Variants in TTLL11 observed in about 807,000 individuals in gnomAD.
The protein encoded by TTLL11 is tubulin tyrosine ligase like 11.
Under a neutral mutation model 51.7 loss-of-function variants are expected in TTLL11, and 42 were observed. That is an observed-to-expected ratio of 0.81 (90% CI 0.64 to 1.05). The LOEUF is 1.05. Ranked by LOEUF, TTLL11 falls within the 50% of genes least tolerant of loss-of-function variation. The pLI, the probability that TTLL11 is intolerant of heterozygous loss-of-function variation, is 0.00. For synonymous variants in TTLL11, 381 were observed against 383.5 expected, an observed-to-expected ratio of 0.99 and a Z score of 0.08; for missense variants, 799 against 940.4, an observed-to-expected ratio of 0.85 and a Z score of 1.97.
intron 6 of TTLL11, among the ~76,000 whole-genome samples, chr9:121,969,340 T>C (rs758601753): frequency 4.3e-4 from 65 of 152,008 alleles, no homozygotes; most frequent in Non-Finnish European, 7.2e-4. Flanking sequence ...CCAAGGTGGG[T>C]GTCAGCAGAG....
Position 121,967,205 on chromosome 9 carries a change from G to A in TTLL11, c.1481+6804C>T, listed in dbSNP as rs144096548. On this transcript the variant is annotated intron_variant, in intron 6 of 8. Transcript: ENST00000321582. Reference sequence around the variant, plus strand: ...GCTCCTCTGTCAGTGATGCTTCAGCGGGAGATTTTTTTTTTTTTTTTTTTT... The same window carrying A: ...GCTCCTCTGTCAGTGATGCTTCAGCAGGAGATTTTTTTTTTTTTTTTTTTT... Among the ~76,000 whole-genome samples, 989 of 142,036 alleles carry A rather than the reference G, an allele frequency of 7.0e-3. 12 individuals carry two copies. The highest frequency in any genetic ancestry group is 0.022 in the African/African-American group (850 of 39,230). 93.2% of individuals were successfully genotyped at this position (142,036 alleles called of 152,430 possible).
At chr9:122,037,953 G>A (rs1232842965) in intron 2 of TTLL11, among the ~76,000 whole-genome samples, 7 of 152,096 alleles carry the variant, frequency 4.6e-5, no homozygotes, top group Admixed American at 3.3e-4. Flanking sequence ...TCTGCAATGC[G>A]TTTTCTTAAA....
intron 1 of TTLL11, among the ~76,000 whole-genome samples, chr9:122,089,797 A>T (rs1377836440): frequency 6.6e-6 from 1 of 151,688 alleles, no homozygotes; most frequent in African/African-American, 2.4e-5. Flanking sequence ...AATTTTCAAT[A>T]TTTTTTTTAG....
intron 1 of TTLL11, among the ~76,000 whole-genome samples, chr9:122,073,305 G>A (rs1200884363): frequency 1.3e-5 from 2 of 152,164 alleles, no homozygotes; most frequent in Non-Finnish European, 2.9e-5. Flanking sequence ...AGTTACTCGG[G>A]AGGCTGAGGC....
At chr9:121,829,233 C>T (rs549141502) in intron 8 of TTLL11, among the ~76,000 whole-genome samples, 48 of 152,104 alleles carry the variant, frequency 3.2e-4, no homozygotes, top group African/African-American at 1.0e-3. Flanking sequence ...GGATTACAAG[C>T]GTGAGCCACC....
intron 1 of TTLL11, among the ~76,000 whole-genome samples, chr9:122,044,589 T>C (rs1189879316): frequency 6.6e-6 from 1 of 152,208 alleles, no homozygotes; most frequent in Non-Finnish European, 1.5e-5. Context: ...TGGTTTTGAT[T>C]TGCATTTCTC....
At position 121,939,166 on chromosome 9, in the gene TTLL11, C is replaced by T. The variant is rs1443889778; in HGVS notation, c.1481+34843G>A. Among the ~76,000 whole-genome samples the T allele has an allele frequency of 3.3e-5, 5 of 152,188 alleles. No homozygotes were observed. In the East Asian group the frequency reaches 9.7e-4, roughly 29 times the overall value. On this transcript the variant is annotated intron_variant, in intron 6 of 8. Coordinates refer to ENST00000321582, the MANE Select transcript of TTLL11 (RefSeq NM_001139442.2). ...GTAACAGTAACCTAATGAAGAGGGA[C>T]TGCTGTATAATATTTCCTTTAATAA...
At chr9:122,022,948 G>C (rs1844221467) in intron 3 of TTLL11, among the ~76,000 whole-genome samples, 1 of 151,836 alleles carries the variant, frequency 6.6e-6, no homozygotes, top group Non-Finnish European at 1.5e-5. Context: ...CTTAAAGGTA[G>C]ATTGTGATAA....
At chr9:122,080,217 C>T (rs1432401026) in intron 1 of TTLL11, among the ~76,000 whole-genome samples, 2 of 152,108 alleles carry the variant, frequency 1.3e-5, no homozygotes, top group Admixed American at 1.3e-4. Flanking sequence ...ACTCTCTTCT[C>T]CAGTATTTGT....
rs936757787 is a variant in TTLL11, at chr9:121,952,693, G to A, written c.1481+21316C>T. 2.7e-4 allele frequency among the ~76,000 whole-genome samples: 41 copies of A among 152,160 alleles called. 1 individual carries two copies. Among genetic ancestry groups the A allele is most frequent in the Admixed American group, 1.4e-3 (21 of 15,274 alleles). On this transcript the variant is annotated intron_variant, in intron 6 of 8. Transcript: ENST00000321582. Reference sequence around the variant, plus strand: ...TTTGATTGGTGAATTTGGAGACACTGGCAAACGTGCTCAGCCCCTTCCTCT... The same window carrying A: ...TTTGATTGGTGAATTTGGAGACACTAGCAAACGTGCTCAGCCCCTTCCTCT...
At chr9:121,941,331 T>C (rs1240285917) in intron 6 of TTLL11, among the ~76,000 whole-genome samples, 1 of 152,238 alleles carries the variant, frequency 6.6e-6, no homozygotes, top group Non-Finnish European at 1.5e-5. Context: ...GGCTTTCCAC[T>C]GGTGGACTCA....
chr9:121,877,104 G>T (rs569344574), intron 6 of TTLL11, among the ~76,000 whole-genome samples: 8 of 152,228 alleles, frequency 5.3e-5, no homozygotes, highest in Non-Finnish European at 1.2e-4. Flanking sequence ...TGGCAGTGGT[G>T]CCGCATGGCA....
intron 8 of TTLL11, among the ~76,000 whole-genome samples, chr9:121,837,868 C>A (rs1837223820): frequency 6.6e-6 from 1 of 152,226 alleles, no homozygotes; most frequent in Admixed American, 6.5e-5. Flanking sequence ...CTCCCCACAG[C>A]ATGTGACCAC....
At chr9:122,034,076 A>G (rs1057185591) in intron 2 of TTLL11, among the ~76,000 whole-genome samples, 2 of 152,218 alleles carry the variant, frequency 1.3e-5, no homozygotes, top group African/African-American at 4.8e-5. Flanking sequence ...GAAAGCCTTC[A>G]TAACTAACTG....
At chr9:122,057,202 A>G (rs1845310284) in intron 1 of TTLL11, among the ~76,000 whole-genome samples, 2 of 152,198 alleles carry the variant, frequency 1.3e-5, no homozygotes, top group Non-Finnish European at 2.9e-5. Context: ...TCGGTGAATA[A>G]ATTCCCACTA....
intron 3 of TTLL11, among the ~76,000 whole-genome samples, chr9:122,024,595 C>T (rs1214781065): frequency 6.6e-6 from 1 of 152,134 alleles, no homozygotes; most frequent in Non-Finnish European, 1.5e-5. Context: ...AGATCAAAGA[C>T]ACAGAATACA....
intron 6 of TTLL11, among the ~76,000 whole-genome samples, chr9:121,927,374 G>T (rs779681814): frequency 6.6e-6 from 1 of 152,168 alleles, no homozygotes; most frequent in Non-Finnish European, 1.5e-5. Flanking sequence ...GTTCCTCCGG[G>T]AATTTGATCT....
chr9:121,994,058 T>C (rs1843183684), intron 3 of TTLL11, among the ~76,000 whole-genome samples: 1 of 152,112 alleles, frequency 6.6e-6, no homozygotes, highest in African/African-American at 2.4e-5. Context: ...CAGGGCAAAT[T>C]CCTACCTCAA....
intron 1 of TTLL11, among the ~76,000 whole-genome samples, chr9:122,091,085 G>A (rs1846248982): frequency 6.6e-6 from 1 of 152,176 alleles, no homozygotes; most frequent in South Asian, 2.1e-4. Context: ...TACGGAATGA[G>A]TGAACGAACC....
Sources: allele counts gnomAD v4.1 joint callset (sites outside exome capture counted in the v4.1 genomes callset), GRCh38; gene constraint gnomAD v4.1.1; transcripts MANE v1.5; gene names NCBI Gene and HGNC (gene_info 2026-07-23, HGNC 2026-07-21).